The following THNSL2 variants were observed in gnomAD, a reference collection of about 807,000 sequenced individuals.
THNSL2 encodes threonine synthase-like 2.
In THNSL2, 34 loss-of-function variants were observed where a neutral mutation model predicts 40.0. That is an observed-to-expected ratio of 0.85 (90% CI 0.65 to 1.13). The LOEUF is 1.13. THNSL2 is among the 50% of genes most tolerant of loss of function. The pLI is 0.00. For synonymous variants in THNSL2, 241 were observed against 247.5 expected, an observed-to-expected ratio of 0.97 and a Z score of 0.25; for missense variants, 537 against 608.8, an observed-to-expected ratio of 0.88 and a Z score of 1.24.
chr2:88,173,425 T>A, intron 2 of THNSL2, 52 bp downstream of exon 2: 1 of 1,399,090 alleles, frequency 7.1e-7, no homozygotes, highest in Non-Finnish European at 9.5e-7. Flanking sequence ...CAGCTCAGTC[T>A]ACAGAATTGT....
At chr2:88,184,440 A>G (rs564095304) in intron 7 of THNSL2, among the ~76,000 whole-genome samples, 39 of 152,282 alleles carry the variant, frequency 2.6e-4, no homozygotes, top group African/African-American at 9.1e-4. Flanking sequence ...TCTGCTGGGA[A>G]CCCTAATTCA....
In THNSL2 at chr2:88,185,991, C is replaced by T. The variant is rs769151866; in HGVS notation, c.1323C>T (p.Ile441=). 1.1e-5 allele frequency: 18 copies of T among 1,612,434 alleles called. No individual in the cohort carries two copies. The highest frequency in any genetic ancestry group is 4.5e-5 in the East Asian group (2 of 44,824). The part of the protein sequence containing the change: ...AGLTPETPAE[I]VALEHKETRC... ...TGACCCCTGAGACTCCCGCGGAGAT[C>T]GTAGCCCTGGAGCACAAGGAGACAC... Residue 441 remains isoleucine, a synonymous_variant, in exon 9 of 9, where the codon ATC becomes ATT. Transcript: ENST00000674334.
rs570512560 is a variant in THNSL2, at chr2:88,186,358, G to A, written c.*235G>A. 1.2e-4 allele frequency: 65 copies of A among 556,814 alleles called. 1 individual carries two copies. The highest frequency in any genetic ancestry group is 7.0e-4 in the African/African-American group (37 of 53,092). The allele number at this position is 556,814 out of a possible 1,614,324, so 34.5% of individuals were successfully genotyped here. ...GAAGCACCCCCTCCCTCCCCGGCCC[G>A]TGCAGCAGTGTCTGAGCTGTAGTGA... is the stretch of plus-strand genomic sequence containing the variant. On this transcript the variant is annotated 3_prime_UTR_variant, in exon 9 of 9. Coordinates refer to ENST00000674334, the MANE Select transcript of THNSL2 (RefSeq NM_018271.5).
intron 4 of THNSL2, 133 bp from the exon 5 acceptor site, chr2:88,178,650 T>G: frequency 1.2e-6 from 1 of 815,100 alleles, no homozygotes; most frequent in Admixed American, 2.3e-5. Flanking sequence ...TACGTGAAAG[T>G]AAAGAAACCT....
intron 5 of THNSL2, 116 bp downstream of exon 5, chr2:88,179,129 A>C: frequency 7.5e-6 from 8 of 1,061,346 alleles, no homozygotes; most frequent in African/African-American, 1.6e-5. Context: ...CCCAGTTCTG[A>C]AGGTGATGGG....
At chr2:88,173,745 T>C (rs1676615818) in intron 2 of THNSL2, among the ~76,000 whole-genome samples, 1 of 151,786 alleles carries the variant, frequency 6.6e-6, no homozygotes, top group Non-Finnish European at 1.5e-5. Flanking sequence ...ATTGCTATTT[T>C]ATTTTTTGAA....
rs764344948 is a variant in THNSL2 at position 88,178,880 on chromosome 2, C to T, written c.669C>T (p.Ile223=). 2 of 1,614,216 alleles carry T rather than the reference C, an allele frequency of 1.2e-6. No homozygotes were observed. The highest frequency in any genetic ancestry group is 1.3e-5 in the African/African-American group (1 of 75,046). Reference sequence around the variant, plus strand: ...ACAATCTGATGAGCCTGAATTCGATCAACTGGTCCCGGGTCCTGGTGCAGA... The same window carrying T: ...ACAATCTGATGAGCCTGAATTCGATTAACTGGTCCCGGGTCCTGGTGCAGA... ...KKHNLMSLNS[I]NWSRVLVQMA... The change falls in exon 5 of 9, where the codon ATC becomes ATT. Residue 223 remains isoleucine, a synonymous_variant. Transcript: ENST00000674334.
chr2:88,175,693 A>G, intron 4 of THNSL2: 1 of 338,804 alleles, frequency 3.0e-6, no homozygotes. Flanking sequence ...CCAACCTGCA[A>G]GTGTCATGTA....
intron 4 of THNSL2, among the ~76,000 whole-genome samples, chr2:88,177,409 A>G (rs1441046736): frequency 6.6e-6 from 1 of 152,222 alleles, no homozygotes; most frequent in African/African-American, 2.4e-5. Context: ...AAAGTCATTA[A>G]TTTCCATGTA....
chr2:88,183,344 T>C, intron 7 of THNSL2: 1 of 336,360 alleles, frequency 3.0e-6, no homozygotes, highest in South Asian at 8.2e-5. Context: ...CCTTCGTTTA[T>C]AAAATGGGGA....
chr2:88,184,286 C>T (rs1678015182), intron 7 of THNSL2, among the ~76,000 whole-genome samples: 1 of 152,204 alleles, frequency 6.6e-6, no homozygotes, highest in South Asian at 2.1e-4. Context: ...ATACCTCCCA[C>T]TCCTTCATTC....
chr2:88,180,740 A>T (rs570399342), intron 5 of THNSL2, among the ~76,000 whole-genome samples: 4 of 152,264 alleles, frequency 2.6e-5, no homozygotes, highest in African/African-American at 9.6e-5. Flanking sequence ...TAGGGAGAGG[A>T]ATTCCTTGCT....
intron 7 of THNSL2, chr2:88,183,851 A>G (rs1234241376): frequency 6.6e-6 from 1 of 151,912 alleles, no homozygotes; most frequent in East Asian, 1.9e-4. Context: ...CTGAGTGGCC[A>G]TCCAGACTGT....
At chr2:88,184,593 C>T (rs1274189503) in intron 7 of THNSL2, among the ~76,000 whole-genome samples, 2 of 145,940 alleles carry the variant, frequency 1.4e-5, no homozygotes, top group East Asian at 2.2e-4. Context: ...GGTGAAACCC[C>T]GTCTCTACTA....
chr2:88,179,883 G>A (rs1310996286), intron 5 of THNSL2, among the ~76,000 whole-genome samples: 2 of 152,230 alleles, frequency 1.3e-5, no homozygotes, highest in African/African-American at 4.8e-5. Context: ...AGCTGGTGAG[G>A]CTAGGGGAAT....
In THNSL2 at chr2:88,178,777, T is replaced by G. The variant is rs571488233; in HGVS notation, c.572-6T>G. On this transcript the variant is annotated splice_polypyrimidine_tract_variant and splice_region_variant and intron_variant, in intron 4 of 8. Transcript: ENST00000674334. ...GACAGCTGCCCTCTTCTCTCCCCCC[T>G]GGCAGTGGAGGGAAACAGCGATGAG... 1 of 1,613,772 alleles carries G rather than the reference T, an allele frequency of 6.2e-7. No individual in the cohort carries two copies. Among genetic ancestry groups the G allele is most frequent in the Non-Finnish European group, 8.5e-7 (1 of 1,179,778 alleles).
At position 88,186,004 on chromosome 2, in the gene THNSL2, C is replaced by A. The variant is rs200077966; in HGVS notation, c.1336C>A (p.His446Asn). 6.2e-7 allele frequency: 1 copy of A among 1,611,208 alleles called. No homozygotes were observed. Among genetic ancestry groups the A allele is most frequent in the Non-Finnish European group, 8.5e-7 (1 of 1,179,010 alleles). The change falls in exon 9 of 9, where the codon CAC becomes AAC. Residue 446 changes from histidine to asparagine, a missense_variant. Physicochemically the swap from His to Asn is moderately conservative, Grantham distance 68. Coordinates refer to ENST00000674334, the MANE Select transcript of THNSL2 (RefSeq NM_018271.5). The stretch of plus-strand genomic sequence containing the variant: ...TCCCGCGGAGATCGTAGCCCTGGAG[C>A]ACAAGGAGACACGCTGCACCCTGAT... Reference protein sequence around the residue: ...ETPAEIVALEHKETRCTLMRR... With the variant: ...ETPAEIVALENKETRCTLMRR...
chr2:88,186,212 G>A lies in THNSL2; in HGVS notation c.*89G>A. The A allele has an allele frequency of 7.5e-7, 1 of 1,330,464 alleles. No individual in the cohort carries two copies. Among genetic ancestry groups the A allele is most frequent in the Non-Finnish European group, 1.0e-6 (1 of 956,824 alleles). The allele number at this position is 1,330,464 out of a possible 1,614,324, so 82.4% of individuals were successfully genotyped here. A position where few individuals can be genotyped will look rare whatever the true frequency, so the allele number is the denominator to read the frequency against. On this transcript the variant is annotated 3_prime_UTR_variant, in exon 9 of 9. Transcript: ENST00000674334. ...TGTGCACCCTCCCCATTAAGCGTAG[G>A]TTAGGAGGTTTCCGGGAGGCTGCTC...
At chr2:88,178,246 C>A (rs1387457570) in intron 4 of THNSL2, among the ~76,000 whole-genome samples, 2 of 152,192 alleles carry the variant, frequency 1.3e-5, no homozygotes, top group African/African-American at 4.8e-5. Context: ...TGGAAGCTTA[C>A]CTGCCATGTA....
Sources: allele counts gnomAD v4.1 joint callset (sites outside exome capture counted in the v4.1 genomes callset), GRCh38; gene constraint gnomAD v4.1.1; transcripts MANE v1.5; gene names NCBI Gene and HGNC (gene_info 2026-07-23, HGNC 2026-07-21).